Variants in PKD1L1 observed in about 807,000 individuals in gnomAD.
The protein encoded by PKD1L1 is polycystin 1 like 1, transient receptor potential channel interacting, also known as polycystin-1-like protein 1.
A neutral mutation model predicts 323.4 loss-of-function variants in PKD1L1; 236 were observed. The observed-to-expected ratio is 0.73, with a 90% confidence interval of 0.66 to 0.81. PKD1L1 has a LOEUF of 0.81. Ranked by LOEUF, PKD1L1 falls within the 40% of genes least tolerant of loss-of-function variation. The pLI, the probability that PKD1L1 is intolerant of heterozygous loss-of-function variation, is 0.00. For missense variants in PKD1L1, 3,320 were observed against 3,508.0 expected (o/e 0.95, Z 1.35); for synonymous variants, 1,344 against 1,335.0 (o/e 1.01, Z -0.15).
intron 7 of PKD1L1, among the ~76,000 whole-genome samples, chr7:47,916,104 A>G (rs1787424286): frequency 1.3e-5 from 2 of 152,258 alleles, no homozygotes; most frequent in African/African-American, 4.8e-5. Flanking sequence ...CAGCACTGAT[A>G]TCAAAGACCA....
chr7:47,814,009 T>C lies in PKD1L1; in HGVS notation c.7095A>G (p.Gly2365=), dbSNP rs1445195347. The change falls in exon 48 of 57, where the codon GGA becomes GGG. Residue 2365 remains glycine (G), a synonymous_variant. Transcript: ENST00000289672. ...TTAGGTAGCATTTTCCTCCAAGAGC[T>C]CCAGGCTGAAAGGAGAAAAAAGATG... ...PSARVPGAQP[G]ALGGKCYLIG... 2.5e-6 allele frequency: 4 copies of C among 1,613,652 alleles called. No individual in the cohort carries two copies. Among genetic ancestry groups the C allele is most frequent in the Non-Finnish European group, 3.4e-6 (4 of 1,179,900 alleles).
intron 28 of PKD1L1, among the ~76,000 whole-genome samples, chr7:47,855,736 C>T (rs1467482709): frequency 1.6e-5 from 2 of 128,430 alleles, no homozygotes; most frequent in East Asian, 2.0e-4. Flanking sequence ...ATTAGCCGGG[C>T]GTAGTGGCGG....
rs113955010 is a variant in PKD1L1, at chr7:47,922,335, C to G, written c.1061-6736G>C. On this transcript the variant is annotated intron_variant, in intron 7 of 56. Coordinates refer to ENST00000289672, the MANE Select transcript of PKD1L1 (RefSeq NM_138295.5). ...TTGCAGCCTCTGCCCTGCCACTACC[C>G]CGTCTAGGAAGTGAGGAGCGTCTCT... Among the ~76,000 whole-genome samples, 4 of 152,340 alleles carry G rather than the reference C, an allele frequency of 2.6e-5. No individual in the cohort carries two copies. In the East Asian group the frequency reaches 7.8e-4, roughly 30 times the overall value.
the PKD1L1 span, among the ~76,000 whole-genome samples, chr7:47,956,270 G>A: frequency 2.6e-5 from 4 of 152,186 alleles, no homozygotes; most frequent in Admixed American, 6.5e-5. Context: ...TCTACAGTGG[G>A]AAAAGAGAGC....
rs541787400 is a variant in PKD1L1 at position 47,930,192 on chromosome 7, T to C, written c.738-666A>G. ...CATGGAGGTAGAAATGGCTTAAGTA[T>C]CTTAATGGCCAATTCTCATGCTCCC... On this transcript the variant is annotated intron_variant, in intron 6 of 56. Transcript: ENST00000289672. Among the ~76,000 whole-genome samples, 10 of 151,232 alleles carry C rather than the reference T, an allele frequency of 6.6e-5. No homozygotes were observed. The South Asian group carries it at 1.7e-3, about 25-fold the overall frequency.
At chr7:47,908,019 T>C in intron 9 of PKD1L1, 58 bp downstream of exon 9, 1 of 1,529,638 alleles carries the variant, frequency 6.5e-7, no homozygotes, top group Non-Finnish European at 8.9e-7. Flanking sequence ...AAAGCGGAGA[T>C]ACCCTGCTTC....
chr7:47,832,825 G>C (rs541442436), intron 41 of PKD1L1, among the ~76,000 whole-genome samples: 2 of 152,196 alleles, frequency 1.3e-5, no homozygotes, highest in East Asian at 1.9e-4. Context: ...TCAAACTCCA[G>C]AATACTTTAA....
chr7:47,910,814 G>A (rs997951591), intron 8 of PKD1L1, among the ~76,000 whole-genome samples: 1 of 130,208 alleles, frequency 7.7e-6, no homozygotes, highest in Non-Finnish European at 1.6e-5. Flanking sequence ...CCGCCACCAC[G>A]CCCAGCTGAT....
intron 45 of PKD1L1, among the ~76,000 whole-genome samples, chr7:47,822,881 G>A (rs1028019265): frequency 6.6e-6 from 1 of 151,540 alleles, no homozygotes; most frequent in African/African-American, 2.4e-5. Flanking sequence ...TGGTATATAG[G>A]AATATAATTT....
rs1423972948 is a variant in PKD1L1, at chr7:47,943,070, C to A, written c.160+326G>T. ...CTGAGGCAGGAGAATGGCGTGAACC[C>A]AGGAGGCAGAGCTTGCAGTGAGCCA... On this transcript the variant is annotated intron_variant, in intron 2 of 56. Coordinates refer to ENST00000289672, the MANE Select transcript of PKD1L1 (RefSeq NM_138295.5). Among the ~76,000 whole-genome samples the A allele has an allele frequency of 8.0e-5, 12 of 149,072 alleles. No individual in the cohort carries two copies. In the South Asian group the frequency reaches 2.6e-3, roughly 32 times the overall value.
chr7:47,780,979 A>G (rs1241923357), intron 56 of PKD1L1, among the ~76,000 whole-genome samples: 2 of 152,166 alleles, frequency 1.3e-5, no homozygotes, highest in African/African-American at 4.8e-5. Flanking sequence ...AAACTGCCAA[A>G]CTATTTCCCA....
At chr7:47,829,641 G>GTTCTCTCTGCGGCTC in intron 43 of PKD1L1, 40 bp from the exon 44 acceptor site, 1 of 1,556,622 alleles carries the variant, frequency 6.4e-7, no homozygotes, top group Non-Finnish European at 8.7e-7. Context: ...GCCGCCCTAT[G>GTTCTCTCTGCGGCTC]TCTGTGTTCA....
At chr7:47,777,732 T>C (rs1367637497) in intron 56 of PKD1L1, among the ~76,000 whole-genome samples, 5 of 152,192 alleles carry the variant, frequency 3.3e-5, no homozygotes. Flanking sequence ...GGATCCAGGT[T>C]TATTTTTCAC....
chr7:47,873,649 CAAAAAA>C (rs57012071), intron 24 of PKD1L1, among the ~76,000 whole-genome samples: 1 of 78,096 alleles, frequency 1.3e-5, no homozygotes. Flanking sequence ...GACTCTGTCT[CAAAAAA>C]AAAAAAAAAA....
intron 31 of PKD1L1, among the ~76,000 whole-genome samples, chr7:47,848,385 G>A (rs935747960): frequency 3.9e-5 from 6 of 152,106 alleles, no homozygotes; most frequent in African/African-American, 1.4e-4. Flanking sequence ...CATACGGAGT[G>A]ATTTCTAAAT....
chr7:47,913,950 C>T (rs891159428), intron 8 of PKD1L1, among the ~76,000 whole-genome samples: 1 of 151,704 alleles, frequency 6.6e-6, no homozygotes, highest in African/African-American at 2.4e-5. Context: ...TTAGTAATTG[C>T]TGGAAATCAA....
chr7:47,873,943 A>G lies in PKD1L1; in HGVS notation c.3852T>C (p.Thr1284=), dbSNP rs1370286986. 6.2e-7 allele frequency: 1 copy of G among 1,614,090 alleles called. No individual in the cohort carries two copies. Among genetic ancestry groups the G allele is most frequent in the East Asian group, 2.2e-5 (1 of 44,876 alleles). Residue 1284 remains threonine, a synonymous_variant, in exon 24 of 57, where the codon ACT becomes ACC. Transcript: ENST00000289672. The part of the protein sequence containing the change: ...SKVQPCTVVV[T]VLPRYHGNDC... ...CATTTCCATGGTAGCGGGGCAGCAC[A>G]GTCACCACCACAGTGCACGGCTGGA...
chr7:47,936,751 C>G (rs1219623822), intron 4 of PKD1L1, 95 bp downstream of exon 4: 1 of 962,550 alleles, frequency 1.0e-6, no homozygotes, highest in Admixed American at 2.3e-5. Flanking sequence ...CATGTAGGAA[C>G]AAGCATCGAC....
At chr7:47,949,146 G>A (rs921881427), upstream of PKD1L1, among the ~76,000 whole-genome samples, 9 of 150,994 alleles carry the variant, frequency 6.0e-5, no homozygotes, top group East Asian at 2.0e-4. Context: ...CGAGGTGGGC[G>A]GATCACGAGG....
Sources: gnomAD v4.1 joint callset for allele counts (sites outside exome capture counted in the v4.1 genomes callset) on GRCh38, gnomAD v4.1.1 for gene constraint, MANE v1.5 for transcripts, NCBI Gene and HGNC (gene_info 2026-07-23, HGNC 2026-07-21) for gene names.